Variants in F13A1 observed in about 807,000 individuals in gnomAD.
The protein encoded by F13A1 is FSF, A subunit.
Under a neutral mutation model 80.1 loss-of-function variants are expected in F13A1, and 47 were observed. The ratio of observed to expected loss-of-function variants is 0.59; its 90% CI spans 0.46 to 0.75. F13A1 has a LOEUF of 0.75. Ranked by LOEUF, F13A1 falls within the 30% of genes least tolerant of loss-of-function variation. The probability of loss-of-function intolerance (pLI) is 0.00; values close to 1 mark genes in which losing one functional copy is unlikely to be tolerated. For synonymous variants in F13A1, 349 were observed against 344.9 expected (o/e 1.01, Z -0.13); for missense variants, 817 against 930.4 (o/e 0.88, Z 1.59).
rs148152855 is a variant in F13A1, at chr6:6,156,259, G to A, written c.1909-4310C>T. ...CCTTTATACTAATTCATGATAATGA[G>A]CTGCTACTCTGATTCTTTGGTAAAC... is the stretch of plus-strand genomic sequence containing the variant. On this transcript the variant is annotated intron_variant, in intron 13 of 14. Coordinates refer to ENST00000264870, the MANE Select transcript of F13A1 (RefSeq NM_000129.4). 2.0e-5 allele frequency among the ~76,000 whole-genome samples: 3 copies of A among 152,264 alleles called. No individual in the cohort carries two copies. The East Asian group carries it at 5.8e-4, about 29-fold the overall frequency.
At chr6:6,267,030 G>A (rs985424323) in intron 3 of F13A1, among the ~76,000 whole-genome samples, 2 of 152,200 alleles carry the variant, frequency 1.3e-5, no homozygotes, top group African/African-American at 4.8e-5. Context: ...TATAAAGCAT[G>A]TAGAGGATTC....
rs1393443576 is a variant in F13A1 at position 6,222,119 on chromosome 6, G to A, written c.1026C>T (p.Ala342=). 1.2e-6 allele frequency: 2 copies of A among 1,614,020 alleles called. No individual in the cohort carries two copies. Among genetic ancestry groups the A allele is most frequent in the Non-Finnish European group, 1.7e-6 (2 of 1,179,940 alleles). The part of the protein sequence containing the change: ...PARIVTNYFS[A]HDNDANLQMD... ...TTTGCAAATTGGCATCATTATCATG[G>A]GCAGAGAAATAATTGGTAACAATTC... The change falls in exon 8 of 15, where the codon GCC becomes GCT. Residue 342 remains alanine (A), a synonymous_variant. Transcript: ENST00000264870.
rs1218252284 is a variant in F13A1 at position 6,277,125 on chromosome 6, G to GGCAAGGATTAAGTCAT, written c.320-10317_320-10316insATGACTTAATCCTTGC. On this transcript the variant is annotated intron_variant, in intron 3 of 14. Coordinates refer to ENST00000264870, the MANE Select transcript of F13A1 (RefSeq NM_000129.4). ...GAGATCATAAGACTGACACTGTGCA[G>GGCAAGGATTAAGTCAT]GAGATCGAGACCATCCCGGCTAAAA... is the stretch of plus-strand genomic sequence containing the variant. Among the ~76,000 whole-genome samples the GGCAAGGATTAAGTCAT allele has an allele frequency of 8.6e-3, 117 of 13,670 alleles. 26 individuals are homozygous for GGCAAGGATTAAGTCAT. In the Middle Eastern group the frequency reaches 0.16, roughly 18 times the overall value. 9.0% of individuals were successfully genotyped at this position (13,670 alleles called of 152,430 possible).
intron 10 of F13A1, among the ~76,000 whole-genome samples, chr6:6,187,512 G>A (rs1247547454): frequency 1.1e-5 from 1 of 92,962 alleles, no homozygotes; most frequent in Non-Finnish European, 2.1e-5. Context: ...CTGTTTATAT[G>A]CTGGATTACA....
chr6:6,207,169 C>T (rs77226360), intron 8 of F13A1, among the ~76,000 whole-genome samples: 2,147 of 152,240 alleles, frequency 0.014, 45 homozygotes, highest in African/African-American at 0.048. Context: ...ACCCCACCTC[C>T]ACAGTAGTCT....
Position 6,277,193 on chromosome 6 carries a change from G to C in F13A1, c.320-10384C>G, listed in dbSNP as rs187150429. ...TACTAAAAAATACAAAAAATTAGCC[G>C]GGCGTAGTGGCGGGCGCCTGTGGTC... is the stretch of plus-strand genomic sequence containing the variant. On this transcript the variant is annotated intron_variant, in intron 3 of 14. Transcript: ENST00000264870. 2.1e-4 allele frequency among the ~76,000 whole-genome samples: 3 copies of C among 14,586 alleles called. 1 individual carries two copies. The highest frequency in any genetic ancestry group is 2.0e-3 in the East Asian group (3 of 1,472). The allele number at this position is 14,586 out of a possible 152,430, so 9.6% of individuals were successfully genotyped here. A position where few individuals can be genotyped will look rare whatever the true frequency, so the allele number is the denominator to read the frequency against.
intron 3 of F13A1, among the ~76,000 whole-genome samples, chr6:6,284,958 C>T (rs923146825): frequency 2.0e-5 from 3 of 152,238 alleles, no homozygotes; most frequent in Non-Finnish European, 2.9e-5. Flanking sequence ...CAATTATATA[C>T]TCTCTGACTG....
chr6:6,213,605 A>G (rs2113039675), intron 8 of F13A1, among the ~76,000 whole-genome samples: 1 of 148,260 alleles, frequency 6.7e-6, no homozygotes, highest in East Asian at 2.0e-4. Context: ...CGAGACTAGG[A>G]AGAAACTGCA....
intron 3 of F13A1, among the ~76,000 whole-genome samples, chr6:6,280,047 A>G: frequency 6.6e-6 from 1 of 152,248 alleles, no homozygotes; most frequent in East Asian, 1.9e-4. Context: ...CAGAGATTAA[A>G]GCAATTACTG....
At chr6:6,195,295 C>T (rs781480902) in intron 10 of F13A1, among the ~76,000 whole-genome samples, 4 of 152,210 alleles carry the variant, frequency 2.6e-5, no homozygotes, top group Non-Finnish European at 5.9e-5. Flanking sequence ...TTTGGCAACT[C>T]AACCCTCCCT....
chr6:6,278,108 A>C (rs2113138938), intron 3 of F13A1, among the ~76,000 whole-genome samples: 1 of 152,328 alleles, frequency 6.6e-6, no homozygotes, highest in East Asian at 1.9e-4. Context: ...GGCACGATTC[A>C]GGATCTTTTT....
At chr6:6,292,166 A>C (rs1158112083) in intron 3 of F13A1, among the ~76,000 whole-genome samples, 1 of 152,192 alleles carries the variant, frequency 6.6e-6, no homozygotes, top group East Asian at 1.9e-4. Flanking sequence ...TGAACAATTA[A>C]ATGGGAGGCA....
At chr6:6,155,204 AAT>A (rs1029922268) in intron 13 of F13A1, among the ~76,000 whole-genome samples, 2 of 152,226 alleles carry the variant, frequency 1.3e-5, no homozygotes, top group African/African-American at 2.4e-5. Flanking sequence ...TGGAAAGTGA[AAT>A]ACACCCTTCC....
intron 3 of F13A1, among the ~76,000 whole-genome samples, chr6:6,297,005 C>T (rs1758339187): frequency 6.8e-6 from 1 of 146,602 alleles, no homozygotes; most frequent in South Asian, 2.1e-4. Context: ...TTGAGATAAT[C>T]ATGTGGTTTT....
chr6:6,169,671 T>C (rs1427441320), intron 12 of F13A1, among the ~76,000 whole-genome samples: 4 of 151,884 alleles, frequency 2.6e-5, no homozygotes, highest in East Asian at 3.9e-4. Flanking sequence ...ACAACTGGGG[T>C]GGAGGGTGGG....
intron 3 of F13A1, among the ~76,000 whole-genome samples, chr6:6,297,030 T>C (rs1758339818): frequency 1.4e-5 from 2 of 146,392 alleles, no homozygotes; most frequent in African/African-American, 2.7e-5. Flanking sequence ...TTTGGTTCTG[T>C]TTATATGCTG....
At chr6:6,156,094 G>A (rs13200015) in intron 13 of F13A1, among the ~76,000 whole-genome samples, 10,236 of 152,184 alleles carry the variant, frequency 0.067, 383 homozygotes, top group South Asian at 0.12. Context: ...ACTTGGTGAC[G>A]TCAAATGCTT....
intron 6 of F13A1, among the ~76,000 whole-genome samples, chr6:6,228,543 G>C (rs142133672): frequency 1.0e-3 from 156 of 152,174 alleles, no homozygotes; most frequent in African/African-American, 3.5e-3. Flanking sequence ...AGACCAGCCT[G>C]GCCAACATGG....
intron 2 of F13A1, among the ~76,000 whole-genome samples, chr6:6,312,734 A>G (rs974054250): frequency 1.0e-4 from 7 of 69,178 alleles, no homozygotes; most frequent in African/African-American, 4.8e-4. Context: ...AAGACATTTC[A>G]TAAAAAATAA....
Sources: allele counts gnomAD v4.1 joint callset (sites outside exome capture counted in the v4.1 genomes callset), GRCh38; gene constraint gnomAD v4.1.1; transcripts MANE v1.5; gene names NCBI Gene and HGNC (gene_info 2026-07-23, HGNC 2026-07-21).